Variants in PLXDC2 observed in about 807,000 individuals in gnomAD.
PLXDC2 encodes plexin domain containing 2.
In PLXDC2, 40 loss-of-function variants were observed where a neutral mutation model predicts 68.9. The ratio of observed to expected loss-of-function variants is 0.58; its 90% CI spans 0.45 to 0.76. The LOEUF (loss-of-function observed/expected upper bound fraction) is 0.76. PLXDC2 is among the 30% of genes least tolerant of loss of function. The pLI, the probability that PLXDC2 is intolerant of heterozygous loss-of-function variation, is 0.00. For missense variants in PLXDC2, 644 were observed against 661.9 expected (o/e 0.97, Z 0.30); for synonymous variants, 243 against 234.2 (o/e 1.04, Z -0.34).
At chr10:20,096,456 T>C (rs1350937213) in intron 4 of PLXDC2, among the ~76,000 whole-genome samples, 1 of 151,512 alleles carries the variant, frequency 6.6e-6, no homozygotes, top group Non-Finnish European at 1.5e-5. Flanking sequence ...GAGTGTAGGA[T>C]GGTGATAAAA....
At chr10:20,015,696 C>A (rs2358657) in intron 2 of PLXDC2, among the ~76,000 whole-genome samples, 93,043 of 151,778 alleles carry the variant, frequency 0.61, 28,846 homozygotes, top group Non-Finnish European at 0.66. Flanking sequence ...ATTAAAAAAA[C>A]ACAGAGATCA....
intron 1 of PLXDC2, among the ~76,000 whole-genome samples, chr10:19,988,838 C>G (rs1447810056): frequency 1.8e-5 from 2 of 108,600 alleles, no homozygotes; most frequent in African/African-American, 7.2e-5. Context: ...CTTGGTTGCT[C>G]AGGCTGGAGT....
rs1253624282 is a variant in PLXDC2 at position 19,969,012 on chromosome 10, G to C, written c.113-32763G>C. On this transcript the variant is annotated intron_variant, in intron 1 of 13. Coordinates refer to ENST00000377252, the MANE Select transcript of PLXDC2 (RefSeq NM_032812.9). ...TTCTTTGCTGATGACATTTTTAATA[G>C]CTGAAGAACCTCACAGCTTTATTTA... Among the ~76,000 whole-genome samples, 3 of 152,188 alleles carry C rather than the reference G, an allele frequency of 2.0e-5. No homozygotes were observed. The East Asian group carries it at 5.8e-4, about 29-fold the overall frequency.
intron 4 of PLXDC2, among the ~76,000 whole-genome samples, chr10:20,112,048 A>G (rs1833566669): frequency 6.6e-6 from 1 of 152,144 alleles, no homozygotes; most frequent in Non-Finnish European, 1.5e-5. Flanking sequence ...TTGTCTCTCC[A>G]TCTGCATATA....
rs1835117045 is a variant in PLXDC2 at position 20,214,985 on chromosome 10, G to C, written c.1123-2441G>C. Among the ~76,000 whole-genome samples, 3 of 152,180 alleles carry C rather than the reference G, an allele frequency of 2.0e-5. No individual in the cohort carries two copies. In the South Asian group the frequency reaches 6.2e-4, roughly 32 times the overall value. ...AAATCCAAAAGAGGAATGTGGACTG[G>C]AAATATAGATTTATGAATAATCAAC... On this transcript the variant is annotated intron_variant, in intron 10 of 13. Coordinates refer to ENST00000377252, the MANE Select transcript of PLXDC2 (RefSeq NM_032812.9).
chr10:20,229,642 ATCT>A (rs777254221), intron 12 of PLXDC2, among the ~76,000 whole-genome samples: 25 of 152,054 alleles, frequency 1.6e-4, no homozygotes, highest in East Asian at 1.9e-4. Flanking sequence ...AATTTAGTTA[ATCT>A]TCTTCGAAAC....
At chr10:19,894,614 A>T (rs1245090575) in intron 1 of PLXDC2, among the ~76,000 whole-genome samples, 1 of 152,196 alleles carries the variant, frequency 6.6e-6, no homozygotes, top group African/African-American at 2.4e-5. Flanking sequence ...TTTTATTTTT[A>T]TCTACAATGT....
chr10:19,875,118 G>A (rs1315971002), intron 1 of PLXDC2, among the ~76,000 whole-genome samples: 5 of 152,184 alleles, frequency 3.3e-5, no homozygotes, highest in Admixed American at 1.3e-4. Context: ...AAAGCAGTTC[G>A]TAGGTGCTCC....
chr10:19,863,120 T>C (rs937397018), intron 1 of PLXDC2, among the ~76,000 whole-genome samples: 3 of 152,244 alleles, frequency 2.0e-5, no homozygotes, highest in African/African-American at 7.2e-5. Flanking sequence ...CACTCATCGT[T>C]GAATCTTCAT....
intron 1 of PLXDC2, among the ~76,000 whole-genome samples, chr10:19,826,493 A>G (rs904443601): frequency 1.3e-5 from 2 of 152,192 alleles, no homozygotes; most frequent in African/African-American, 2.4e-5. Flanking sequence ...AATTTGAAGA[A>G]TATTTTAATA....
At chr10:19,954,460 A>T (rs1311029860) in intron 1 of PLXDC2, among the ~76,000 whole-genome samples, 2 of 152,128 alleles carry the variant, frequency 1.3e-5, no homozygotes, top group East Asian at 3.9e-4. Flanking sequence ...AAAATGGAGT[A>T]ATTTATTATT....
chr10:19,816,811 C>T lies in PLXDC2; in HGVS notation c.-269C>T, dbSNP rs949715996. 10 of 522,682 alleles carry T rather than the reference C, an allele frequency of 1.9e-5. No individual in the cohort carries two copies. Among genetic ancestry groups the T allele is most frequent in the Middle Eastern group, 5.1e-4 (1 of 1,976 alleles). The allele number at this position is 522,682 out of a possible 1,614,324, so 32.4% of individuals were successfully genotyped here. A position where few individuals can be genotyped will look rare whatever the true frequency, so the allele number is the denominator to read the frequency against. On this transcript the variant is annotated 5_prime_UTR_variant, in exon 1 of 14. Transcript: ENST00000377252. ...TCGGCTGCAAGTGGCCTCTCCTCCC[C>T]GCGGTTGTTGTTCAGTGTCGGGTGA...
intron 9 of PLXDC2, among the ~76,000 whole-genome samples, chr10:20,193,576 C>A (rs1463018568): frequency 6.6e-6 from 1 of 151,948 alleles, no homozygotes; most frequent in Non-Finnish European, 1.5e-5. Context: ...AGATTCAACA[C>A]TATATATGCA....
intron 1 of PLXDC2, among the ~76,000 whole-genome samples, chr10:19,829,909 C>T (rs12263557): frequency 0.31 from 47,314 of 151,952 alleles, 7,651 homozygotes; most frequent in Non-Finnish European, 0.36. Flanking sequence ...ATACTTTAAT[C>T]GGTGTTATCA....
intron 1 of PLXDC2, among the ~76,000 whole-genome samples, chr10:19,821,543 T>C (rs1836466748): frequency 6.6e-6 from 1 of 152,232 alleles, no homozygotes; most frequent in East Asian, 1.9e-4. Context: ...TCAGGGTCTG[T>C]TGTCATTTAT....
intron 1 of PLXDC2, among the ~76,000 whole-genome samples, chr10:19,910,901 T>G (rs2131373961): frequency 6.6e-6 from 1 of 152,090 alleles, no homozygotes; most frequent in Admixed American, 6.5e-5. Flanking sequence ...TCCCAGTTAC[T>G]TGGGAGGCTG....
chr10:19,825,862 T>C (rs2131998951), intron 1 of PLXDC2, among the ~76,000 whole-genome samples: 1 of 152,326 alleles, frequency 6.6e-6, no homozygotes, highest in Middle Eastern at 3.4e-3. Context: ...ATATGCTGTC[T>C]TTTTGTTCAT....
intron 1 of PLXDC2, among the ~76,000 whole-genome samples, chr10:19,860,277 G>A (rs1837294728): frequency 6.6e-6 from 1 of 152,138 alleles, no homozygotes; most frequent in South Asian, 2.1e-4. Flanking sequence ...AGTGACTTTT[G>A]CAAGCTTGGC....
chr10:20,276,659 G>T (rs1476715750), intron 13 of PLXDC2, among the ~76,000 whole-genome samples: 1 of 152,066 alleles, frequency 6.6e-6, no homozygotes, highest in Non-Finnish European at 1.5e-5. Flanking sequence ...CCCTGTTAGC[G>T]AGTGACCCTG....
Sources: allele counts gnomAD v4.1 joint callset (sites outside exome capture counted in the v4.1 genomes callset), GRCh38; gene constraint gnomAD v4.1.1; transcripts MANE v1.5; gene names NCBI Gene and HGNC (gene_info 2026-07-23, HGNC 2026-07-21).